GRAMD2B: variants seen among roughly 807,000 people sequenced by gnomAD.
GRAMD2B encodes the protein GRAM domain containing 2B.
GRAMD2B carries 41 observed loss-of-function variants against 59.2 expected under a neutral mutation model. That is an observed-to-expected ratio of 0.69 (90% CI 0.54 to 0.90). The LOEUF (loss-of-function observed/expected upper bound fraction) is 0.90. Among genes scored for constraint, GRAMD2B ranks in the 40% least tolerant of loss-of-function variants. The pLI is 0.00. For missense variants in GRAMD2B, 424 were observed against 500.5 expected (o/e 0.85, Z 1.46); for synonymous variants, 161 against 182.7 (o/e 0.88, Z 0.96).
intron 1 of GRAMD2B, among the ~76,000 whole-genome samples, chr5:126,431,315 G>A (rs1761542623): frequency 6.6e-6 from 1 of 152,088 alleles, no homozygotes; most frequent in Non-Finnish European, 1.5e-5. Context: ...TCAGTAAATG[G>A]CAGGCATTAC....
intron 11 of GRAMD2B, 32 bp from the exon 12 acceptor site, chr5:126,486,841 C>A (rs192380728): frequency 4.4e-5 from 60 of 1,378,360 alleles, no homozygotes; most frequent in Admixed American, 8.4e-5. Context: ...GGCCGTTAAC[C>A]TAACGAAAGT....
At chr5:126,442,440 C>T (rs1369283731) in intron 1 of GRAMD2B, among the ~76,000 whole-genome samples, 3 of 151,732 alleles carry the variant, frequency 2.0e-5, no homozygotes, top group Non-Finnish European at 4.4e-5. Context: ...TACAGGCGCC[C>T]ACCACCACAC....
chr5:126,422,918 C>A (rs1349212008), upstream of GRAMD2B, among the ~76,000 whole-genome samples: 3 of 150,550 alleles, frequency 2.0e-5, no homozygotes, highest in Admixed American at 6.6e-5. Flanking sequence ...TCTAACCACC[C>A]CCCCCACCCC....
intron 10 of GRAMD2B, 136 bp from the exon 11 acceptor site, chr5:126,485,550 C>T (rs567371156): frequency 1.7e-6 from 1 of 593,894 alleles, no homozygotes; most frequent in Non-Finnish European, 3.0e-6. Flanking sequence ...AAAATGACAA[C>T]TGGGAGACTT....
intron 1 of GRAMD2B, among the ~76,000 whole-genome samples, chr5:126,431,264 A>T (rs1472962240): frequency 6.6e-6 from 1 of 152,156 alleles, no homozygotes; most frequent in Non-Finnish European, 1.5e-5. Flanking sequence ...GATTGTTATG[A>T]TTAAGTGTGA....
At chr5:126,481,647 T>C (rs774440652) in intron 8 of GRAMD2B, among the ~76,000 whole-genome samples, 32 of 152,104 alleles carry the variant, frequency 2.1e-4, no homozygotes, top group Non-Finnish European at 3.7e-4. Context: ...GGTATACCTA[T>C]ACAATGGGAT....
At chr5:126,437,961 T>C (rs2149820038) in intron 1 of GRAMD2B, among the ~76,000 whole-genome samples, 1 of 152,218 alleles carries the variant, frequency 6.6e-6, no homozygotes, top group East Asian at 1.9e-4. Context: ...CTGGCTTGCA[T>C]CACAGCTCAG....
intron 1 of GRAMD2B, among the ~76,000 whole-genome samples, chr5:126,383,704 G>T (rs941313714): frequency 5.9e-5 from 9 of 152,116 alleles, no homozygotes; most frequent in Non-Finnish European, 8.8e-5. Context: ...GACCAAAATG[G>T]CATTATCCAA....
At chr5:126,428,963 G>A (rs1428711872) in intron 1 of GRAMD2B, among the ~76,000 whole-genome samples, 3 of 152,160 alleles carry the variant, frequency 2.0e-5, no homozygotes, top group Non-Finnish European at 4.4e-5. Context: ...TTTGACCATC[G>A]TGGAAGACAG....
intron 2 of GRAMD2B, among the ~76,000 whole-genome samples, chr5:126,465,898 G>T (rs115695021): frequency 6.6e-6 from 1 of 152,058 alleles, no homozygotes; most frequent in African/African-American, 2.4e-5. Flanking sequence ...CCTAGGGGCC[G>T]TGAAAAAAAG....
At chr5:126,418,592 C>A (rs1411609704), upstream of GRAMD2B, among the ~76,000 whole-genome samples, 1 of 152,190 alleles carries the variant, frequency 6.6e-6, no homozygotes, top group Non-Finnish European at 1.5e-5. Context: ...AACTACTCTA[C>A]TAAATTTTTA....
chr5:126,489,673 G>A (rs568381358), intron 13 of GRAMD2B, among the ~76,000 whole-genome samples: 8 of 152,242 alleles, frequency 5.3e-5, no homozygotes, highest in Non-Finnish European at 1.2e-4. Flanking sequence ...GCAGGAGGGT[G>A]AGCTGGAGAA....
chr5:126,400,077 C>T (rs765990603), intron 1 of GRAMD2B, among the ~76,000 whole-genome samples: 14 of 150,468 alleles, frequency 9.3e-5, no homozygotes, highest in South Asian at 2.1e-4. Context: ...TTTTTGATAG[C>T]GGTATGTTTT....
In GRAMD2B at chr5:126,441,858, CTGATAATTG is replaced by C. The variant is rs1190270036; in HGVS notation, c.83+18173_83+18181del. The stretch of plus-strand genomic sequence containing the variant: ...ATGGTAAACAGGAGACAGAACCTAC[CTGATAATTG>C]TGACAACCTTAGATGGTCATAGGAT... On this transcript the variant is annotated intron_variant, in intron 1 of 13. Coordinates refer to ENST00000285689, the MANE Select transcript of GRAMD2B (RefSeq NM_023927.4). 9.9e-5 allele frequency among the ~76,000 whole-genome samples: 15 copies of C among 152,198 alleles called. No individual in the cohort carries two copies. The South Asian group carries it at 2.9e-3, about 30-fold the overall frequency.
chr5:126,435,808 C>T (rs891637187), intron 1 of GRAMD2B, among the ~76,000 whole-genome samples: 1 of 152,148 alleles, frequency 6.6e-6, no homozygotes, highest in Admixed American at 6.5e-5. Flanking sequence ...TGTGGTTTGG[C>T]CTCTTTATTT....
intron 1 of GRAMD2B, among the ~76,000 whole-genome samples, chr5:126,446,515 C>T (rs1764258349): frequency 6.6e-6 from 1 of 151,512 alleles, no homozygotes; most frequent in Non-Finnish European, 1.5e-5. Context: ...TAAAATCCAG[C>T]AGTAACCGTG....
intron 1 of GRAMD2B, chr5:126,465,176 G>C: frequency 7.4e-7 from 1 of 1,350,998 alleles, no homozygotes. Flanking sequence ...GCACAGACCT[G>C]GGAGCCAGCA....
At chr5:126,455,273 TG>T (rs1766073953) in intron 1 of GRAMD2B, among the ~76,000 whole-genome samples, 1 of 152,198 alleles carries the variant, frequency 6.6e-6, no homozygotes, top group Admixed American at 6.5e-5. Flanking sequence ...GTATAAAAGG[TG>T]GGCATTTAAT....
Position 126,485,778 on chromosome 5 carries a change from G to A in GRAMD2B, c.1058+5G>A. ...TCTTATATTCTATGCAATTGTGTAA[G>A]TACATGAATTTACTGTGAGTGACTA... On this transcript the variant is annotated splice_donor_5th_base_variant and intron_variant, in intron 11 of 13. Coordinates refer to ENST00000285689, the MANE Select transcript of GRAMD2B (RefSeq NM_023927.4). The A allele has an allele frequency of 6.4e-7, 1 of 1,558,598 alleles. No individual in the cohort carries two copies. Among genetic ancestry groups the A allele is most frequent in the South Asian group, 1.1e-5 (1 of 88,436 alleles).
Sources: allele counts gnomAD v4.1 joint callset (sites outside exome capture counted in the v4.1 genomes callset), GRCh38; gene constraint gnomAD v4.1.1; transcripts MANE v1.5; gene names NCBI Gene and HGNC (gene_info 2026-07-23, HGNC 2026-07-21).